RRBP1: variants seen among roughly 807,000 people sequenced by gnomAD.
The protein encoded by RRBP1 is ribosome binding protein 1, also known as ribosome-binding protein 1.
In RRBP1, 94 loss-of-function variants were observed where a neutral mutation model predicts 165.2. The observed-to-expected ratio is 0.57, with a 90% CI of 0.48 to 0.68. The LOEUF (loss-of-function observed/expected upper bound fraction) is 0.68, where lower values mean the gene tolerates loss of function less well. RRBP1 is among the 30% of genes least tolerant of loss of function. The probability of loss-of-function intolerance (pLI) is 0.00; values close to 1 mark genes in which losing one functional copy is unlikely to be tolerated. For missense variants in RRBP1, 1,676 were observed against 1,763.0 expected (o/e 0.95, Z 0.88); for synonymous variants, 680 against 714.5 (o/e 0.95, Z 0.77).
In RRBP1 at chr20:17,658,943, G is replaced by A; in HGVS notation, c.1565C>T (p.Thr522Ile). 1 of 1,612,902 alleles carries A rather than the reference G, an allele frequency of 6.2e-7. No individual in the cohort carries two copies. Among genetic ancestry groups the A allele is most frequent in the Non-Finnish European group, 8.5e-7 (1 of 1,179,830 alleles). ...GEGAQNQGKK[T>I]EGAQGKKAER... Reference sequence around the variant, plus strand: ...TGCCTTTTTGCCCTGAGCCCCTTCTGTCTTTTTACCCTGATTCTGGGCTCC... The same window carrying A: ...TGCCTTTTTGCCCTGAGCCCCTTCTATCTTTTTACCCTGATTCTGGGCTCC... Residue 522 changes from threonine to isoleucine, a missense_variant, in exon 3 of 25, where the codon ACA (threonine) becomes ATA (isoleucine). Physicochemically the swap from Thr to Ile is moderately conservative, Grantham distance 89. Around this residue, in one of 5 missense-constraint regions of RRBP1, gnomAD observed 1,184 missense variants for 1,167.1 expected, o/e 1.01. Transcript: ENST00000377813.
rs2036231795 is a variant in RRBP1, at chr20:17,635,528, C to A, written c.2456+18G>T. On this transcript the variant is annotated intron_variant, in intron 7 of 24. Coordinates refer to ENST00000377813, the MANE Select transcript of RRBP1 (RefSeq NM_001365613.2). ...CAGGGCCCTTGGGGAGGTGCTGAGG[C>A]AGGAAAGCTCAGCTTACTTGCTCTC... The A allele has an allele frequency of 6.4e-7, 1 of 1,572,418 alleles. No individual in the cohort carries two copies.
chr20:17,624,221 T>C (rs2035968532), intron 13 of RRBP1, among the ~76,000 whole-genome samples: 1 of 152,160 alleles, frequency 6.6e-6, no homozygotes, highest in African/African-American at 2.4e-5. Context: ...GAGGTGGATG[T>C]AGAGCCGGGG....
Position 17,615,614 on chromosome 20 carries a change from C to T in RRBP1, c.3952-85G>A. 3.5e-6 allele frequency: 4 copies of T among 1,155,966 alleles called. No homozygotes were observed. The East Asian group carries it at 8.2e-5, about 24-fold the overall frequency. The allele number at this position is 1,155,966 out of a possible 1,614,324, so 71.6% of individuals were successfully genotyped here. A position where few individuals can be genotyped will look rare whatever the true frequency, so the allele number is the denominator to read the frequency against. On this transcript the variant is annotated intron_variant, in intron 22 of 24. Coordinates refer to ENST00000377813, the MANE Select transcript of RRBP1 (RefSeq NM_001365613.2). ...GACCCTACCGAGCACGCCTGGGGAC[C>T]AGGGGGCCCCCCCAGCCTGATGGAG...
At chr20:17,618,366 G>A (rs2035841205) in intron 20 of RRBP1, among the ~76,000 whole-genome samples, 1 of 152,198 alleles carries the variant, frequency 6.6e-6, no homozygotes, top group Non-Finnish European at 1.5e-5. Context: ...CCAGGGGACG[G>A]GAGATGGAGT....
chr20:17,629,203 C>G (rs2036097017), intron 9 of RRBP1, among the ~76,000 whole-genome samples: 2 of 152,266 alleles, frequency 1.3e-5, no homozygotes, highest in South Asian at 4.1e-4. Context: ...AGCCCGGCAC[C>G]CACGGCAGTG....
chr20:17,629,676 G>T, intron 9 of RRBP1, 147 bp downstream of exon 9: 1 of 842,462 alleles, frequency 1.2e-6, no homozygotes, highest in Non-Finnish European at 1.8e-6. Context: ...CCTGCTCTTT[G>T]ACTTTCTGAG....
At chr20:17,642,047 C>CT in intron 4 of RRBP1, 128 bp from the exon 5 acceptor site, 1 of 1,048,546 alleles carries the variant, frequency 9.5e-7, no homozygotes. Flanking sequence ...AAGGGTTCCA[C>CT]TGGGACTCCA....
chr20:17,633,774 G>A (rs1043979582), intron 7 of RRBP1, among the ~76,000 whole-genome samples, 161 bp from the exon 8 acceptor site: 1 of 152,228 alleles, frequency 6.6e-6, no homozygotes, highest in Admixed American at 6.5e-5. Flanking sequence ...GTGTGGGGTT[G>A]GGCATGTGTT....
intron 7 of RRBP1, among the ~76,000 whole-genome samples, chr20:17,635,120 A>G (rs1374090531): frequency 2.0e-5 from 3 of 152,150 alleles, no homozygotes; most frequent in Non-Finnish European, 2.9e-5. Context: ...GTAATGCTTA[A>G]ATCAGGGAAG....
chr20:17,678,893 A>T (rs2037128991), intron 2 of RRBP1, among the ~76,000 whole-genome samples: 1 of 152,202 alleles, frequency 6.6e-6, no homozygotes, highest in South Asian at 2.1e-4. Context: ...GGTGAAAAAA[A>T]TGAAATGAAA....
chr20:17,648,692 A>G (rs951565273), intron 3 of RRBP1, among the ~76,000 whole-genome samples: 14 of 152,250 alleles, frequency 9.2e-5, no homozygotes, highest in African/African-American at 3.4e-4. Context: ...AAAATATCCT[A>G]TAGATTGAAG....
At chr20:17,669,150 G>A (rs2036926774) in intron 2 of RRBP1, among the ~76,000 whole-genome samples, 1 of 152,154 alleles carries the variant, frequency 6.6e-6, no homozygotes, top group Admixed American at 6.5e-5. Context: ...TTAAAGAAGA[G>A]TTGAAACACT....
chr20:17,629,218 G>T (rs2036097501), intron 9 of RRBP1, among the ~76,000 whole-genome samples: 1 of 152,246 alleles, frequency 6.6e-6, no homozygotes, highest in South Asian at 2.1e-4. Context: ...GCAGTGCTTG[G>T]CCTGGGGAGG....
intron 8 of RRBP1, among the ~76,000 whole-genome samples, chr20:17,632,179 G>T (rs1015856070): frequency 1.3e-5 from 2 of 152,208 alleles, no homozygotes; most frequent in Non-Finnish European, 2.9e-5. Context: ...TCACAGACTT[G>T]ACAGGCACAG....
intron 3 of RRBP1, among the ~76,000 whole-genome samples, chr20:17,651,607 G>A (rs1466824636): frequency 1.3e-5 from 2 of 152,166 alleles, no homozygotes; most frequent in African/African-American, 2.4e-5. Context: ...TGCAGCTCCC[G>A]TTTGTGGGTG....
chr20:17,657,611 G>GAGGAGAGGAGAGGAAAGGAA (rs1245560395), intron 3 of RRBP1, among the ~76,000 whole-genome samples: 2 of 151,998 alleles, frequency 1.3e-5, no homozygotes, highest in African/African-American at 4.8e-5. Context: ...AAGGAAAGGA[G>GAGGAGAGGAGAGGAAAGGAA]AGGAGAGGAG....
chr20:17,625,490 C>T (rs745352816), intron 12 of RRBP1, 22 bp downstream of exon 12: 24 of 1,609,342 alleles, frequency 1.5e-5, no homozygotes, highest in South Asian at 1.4e-4. Flanking sequence ...CGTCCGTCCC[C>T]GCCTGTGCCT....
intron 1 of RRBP1, among the ~76,000 whole-genome samples, chr20:17,681,577 C>A (rs1251671453): frequency 4.7e-5 from 7 of 147,378 alleles, no homozygotes; most frequent in African/African-American, 1.5e-4. Context: ...CGGACTCCAG[C>A]CCGGCAACGT....
intron 2 of RRBP1, among the ~76,000 whole-genome samples, chr20:17,666,568 AT>A (rs549423092): frequency 2.6e-5 from 4 of 151,938 alleles, no homozygotes; most frequent in Admixed American, 6.6e-5. Context: ...ATTCTTTCTG[AT>A]TTTTTTTAAT....
Sources: gnomAD v4.1 joint callset for allele counts (sites outside exome capture counted in the v4.1 genomes callset) on GRCh38, gnomAD v4.1.1 for gene constraint, gnomAD v4.1.1 regional missense constraint, MANE v1.5 for transcripts, NCBI Gene and HGNC (gene_info 2026-07-23, HGNC 2026-07-21) for gene names.